Variants in PTPRD observed in about 807,000 individuals in gnomAD.
The protein encoded by PTPRD is protein tyrosine phosphatase receptor type D, also known as receptor-type tyrosine-protein phosphatase delta.
PTPRD carries 34 observed loss-of-function variants against 214.5 expected under a neutral mutation model. That is an observed-to-expected ratio of 0.16 (90% CI 0.12 to 0.21). The LOEUF is 0.21. Ranked by LOEUF, PTPRD falls within the 10% of genes least tolerant of loss-of-function variation. The pLI, the probability that PTPRD is intolerant of heterozygous loss-of-function variation, is 1.00. For synonymous variants in PTPRD, 1,128 were observed against 845.7 expected (o/e 1.33, Z -5.79); for missense variants, 2,545 against 2,398.7 (o/e 1.06, Z -1.27).
rs1485397851 is a variant in PTPRD at position 8,315,120 on chromosome 9, T to A, written c.*2754A>T. ...CTTGAAAGCTTGTGGTAATGGCAGA[T>A]AAAGATGGTTCACCTGGGAAATTAA... is the stretch of plus-strand genomic sequence containing the variant. On this transcript the variant is annotated 3_prime_UTR_variant, in exon 46 of 46. Coordinates refer to ENST00000381196, the MANE Select transcript of PTPRD (RefSeq NM_002839.4). 1 of 232,450 alleles carries A rather than the reference T, an allele frequency of 4.3e-6. No individual in the cohort carries two copies. Among genetic ancestry groups the A allele is most frequent in the Non-Finnish European group, 8.5e-6 (1 of 117,342 alleles). The allele number at this position is 232,450 out of a possible 1,614,324, so 14.4% of individuals were successfully genotyped here.
At chr9:8,483,214 G>A (rs2096924178) in intron 30 of PTPRD, among the ~76,000 whole-genome samples, 1 of 152,100 alleles carries the variant, frequency 6.6e-6, no homozygotes, top group African/African-American at 2.4e-5. Flanking sequence ...TCTATGCTGT[G>A]CTACATTCAA....
intron 9 of PTPRD, among the ~76,000 whole-genome samples, chr9:9,293,415 T>C (rs1951882215): frequency 6.6e-6 from 1 of 151,240 alleles, no homozygotes; most frequent in African/African-American, 2.4e-5. Flanking sequence ...TTTGTTTCTT[T>C]TATGTCCTTA....
chr9:8,785,822 T>C (rs1335719391), intron 11 of PTPRD, among the ~76,000 whole-genome samples: 1 of 152,148 alleles, frequency 6.6e-6, no homozygotes, highest in Non-Finnish European at 1.5e-5. Context: ...ATAATACAAA[T>C]AGAAACTAGC....
chr9:9,638,939 T>C (rs191775824), intron 7 of PTPRD, among the ~76,000 whole-genome samples: 159 of 152,082 alleles, frequency 1.0e-3, no homozygotes, highest in African/African-American at 3.8e-3. Context: ...AACAAAACTC[T>C]CTCCTTCAAA....
chr9:9,461,492 C>T (rs935439948), intron 8 of PTPRD, among the ~76,000 whole-genome samples: 2 of 151,910 alleles, frequency 1.3e-5, no homozygotes, highest in Admixed American at 6.6e-5. Flanking sequence ...AATGAGAGAA[C>T]ATGGAAAAAC....
intron 11 of PTPRD, among the ~76,000 whole-genome samples, chr9:8,786,639 T>C (rs987718748): frequency 2.6e-5 from 4 of 151,078 alleles, no homozygotes; most frequent in Non-Finnish European, 4.4e-5. Flanking sequence ...GGTCTGGAAC[T>C]CCTAACCTCA....
intron 11 of PTPRD, among the ~76,000 whole-genome samples, chr9:8,783,740 G>A (rs1045014054): frequency 6.6e-6 from 1 of 152,164 alleles, no homozygotes; most frequent in Non-Finnish European, 1.5e-5. Flanking sequence ...GTACTGGTCT[G>A]ATGGCTGGAT....
chr9:9,445,164 G>T (rs1033103566), intron 8 of PTPRD, among the ~76,000 whole-genome samples: 10 of 152,084 alleles, frequency 6.6e-5, no homozygotes, highest in Non-Finnish European at 2.9e-5. Flanking sequence ...AGATTATTCT[G>T]GATAATAAAT....
At chr9:8,872,214 G>A (rs1587026155) in intron 11 of PTPRD, among the ~76,000 whole-genome samples, 1 of 152,160 alleles carries the variant, frequency 6.6e-6, no homozygotes. Flanking sequence ...CAGTGAGAAT[G>A]CAAAGAGGAA....
At chr9:8,668,939 A>T (rs887881035) in intron 12 of PTPRD, among the ~76,000 whole-genome samples, 9 of 152,160 alleles carry the variant, frequency 5.9e-5, no homozygotes, top group Non-Finnish European at 1.2e-4. Context: ...AGATCCTGCT[A>T]CAAGTACCTC....
chr9:9,167,692 T>C (rs1053375775), intron 10 of PTPRD, among the ~76,000 whole-genome samples: 5 of 151,856 alleles, frequency 3.3e-5, no homozygotes, highest in Non-Finnish European at 5.9e-5. Context: ...GAGGCAGAGG[T>C]TGTGGTGAGC....
intron 22 of PTPRD, among the ~76,000 whole-genome samples, chr9:8,505,624 C>CAAAAAAA (rs954059567): frequency 5.4e-5 from 3 of 55,672 alleles, no homozygotes; most frequent in Non-Finnish European, 6.7e-5. Flanking sequence ...GACTCTGTCT[C>CAAAAAAA]AAAAAAAAAA....
At chr9:9,122,740 T>C (rs370423755) in intron 10 of PTPRD, among the ~76,000 whole-genome samples, 20 of 152,214 alleles carry the variant, frequency 1.3e-4, no homozygotes, top group East Asian at 7.7e-4. Context: ...TTTACAGATA[T>C]GGACTATACC....
At chr9:10,420,682 G>T (rs1226734303) in intron 2 of PTPRD, among the ~76,000 whole-genome samples, 1 of 151,604 alleles carries the variant, frequency 6.6e-6, no homozygotes, top group African/African-American at 2.4e-5. Context: ...TATCCTGAGT[G>T]GCTTCAAATG....
intron 5 of PTPRD, among the ~76,000 whole-genome samples, chr9:9,905,122 A>G (rs1205592288): frequency 6.6e-6 from 1 of 151,966 alleles, no homozygotes; most frequent in African/African-American, 2.4e-5. Context: ...CCATGCCTGA[A>G]CTTAGCCAAT....
chr9:9,651,209 G>A (rs1464150433), intron 7 of PTPRD, among the ~76,000 whole-genome samples: 1 of 152,016 alleles, frequency 6.6e-6, no homozygotes, highest in Non-Finnish European at 1.5e-5. Flanking sequence ...TTGGCTGTGT[G>A]CATTTAACCT....
chr9:8,579,488 G>A (rs749252587), intron 14 of PTPRD, among the ~76,000 whole-genome samples: 2 of 152,128 alleles, frequency 1.3e-5, no homozygotes, highest in Non-Finnish European at 2.9e-5. Context: ...TGTTCACACT[G>A]ACATTTATTG....
At chr9:9,367,689 A>G (rs1231002256) in intron 9 of PTPRD, among the ~76,000 whole-genome samples, 1 of 151,616 alleles carries the variant, frequency 6.6e-6, no homozygotes, top group Non-Finnish European at 1.5e-5. Context: ...ACTGCCAGAG[A>G]CGTGTTCGGA....
intron 11 of PTPRD, among the ~76,000 whole-genome samples, chr9:8,947,667 G>C (rs951099816): frequency 6.6e-6 from 1 of 151,846 alleles, no homozygotes; most frequent in Non-Finnish European, 1.5e-5. Context: ...GTTTTGTTTT[G>C]TTTTGTTTCT....
Sources: allele counts gnomAD v4.1 joint callset (sites outside exome capture counted in the v4.1 genomes callset), GRCh38; gene constraint gnomAD v4.1.1; transcripts MANE v1.5; gene names NCBI Gene and HGNC (gene_info 2026-07-23, HGNC 2026-07-21).